The following ZMYM4 variants were observed in gnomAD, a reference collection of about 807,000 sequenced individuals.
ZMYM4 encodes zinc finger MYM-type protein 4.
A neutral mutation model predicts 183.2 loss-of-function variants in ZMYM4; 31 were observed. The observed-to-expected ratio is 0.17, with a 90% confidence interval of 0.13 to 0.23. The LOEUF is 0.23. Among genes scored for constraint, ZMYM4 ranks in the 10% least tolerant of loss-of-function variants. The pLI, the probability that ZMYM4 is intolerant of heterozygous loss-of-function variation, is 1.00. For missense variants in ZMYM4, 1,273 were observed against 1,840.3 expected, an observed-to-expected ratio of 0.69 and a Z score of 5.64; for synonymous variants, 592 against 631.2, an observed-to-expected ratio of 0.94 and a Z score of 0.93.
Position 35,389,187 on chromosome 1 carries a change from AG to A in ZMYM4, c.2436+106del. ...ACAATTTAATTATTTAAAACTTTTA[AG>A]TATTAAATGTTTTATGCCTTCTAGC... On this transcript the variant is annotated intron_variant, in intron 14 of 29. Transcript: ENST00000314607. The surrounding 1 kb of genome is among the most constrained non-coding windows in gnomAD (Gnocchi z 4.0). 2.5e-6 allele frequency: 3 copies of A among 1,196,952 alleles called. No individual in the cohort carries two copies. Among genetic ancestry groups the A allele is most frequent in the Non-Finnish European group, 3.4e-6 (3 of 873,268 alleles). 74.1% of individuals were successfully genotyped at this position (1,196,952 alleles called of 1,614,324 possible).
chr1:35,397,515 G>A lies in ZMYM4; in HGVS notation c.3169G>A (p.Asp1057Asn). 6.2e-7 allele frequency: 1 copy of A among 1,612,908 alleles called. No individual in the cohort carries two copies. Among genetic ancestry groups the A allele is most frequent in the South Asian group, 1.1e-5 (1 of 90,856 alleles). The change falls in exon 20 of 30, where the codon GAT becomes AAT. Residue 1057 changes from aspartate (D) to asparagine (N), a missense_variant. By Grantham distance (23) the Asp-to-Asn change is conservative. Coordinates refer to ENST00000314607, the MANE Select transcript of ZMYM4 (RefSeq NM_005095.3). ...TGAGATGGCAGAAATGATTGCAGAA[G>A]ATGAAGAGAAGAAGACTCTATCTCA... ...LLEMAEMIAE[D>N]EEKKTLSQGE...
At chr1:35,407,122 T>C (rs967482353) in intron 25 of ZMYM4, among the ~76,000 whole-genome samples, 2 of 152,110 alleles carry the variant, frequency 1.3e-5, no homozygotes, top group African/African-American at 4.8e-5. Context: ...TGTATTCAAA[T>C]AAATATCAGC....
intron 1 of ZMYM4, among the ~76,000 whole-genome samples, chr1:35,283,026 T>G (rs1390801788): frequency 9.6e-6 from 1 of 103,640 alleles, no homozygotes; most frequent in African/African-American, 3.8e-5. Context: ...TGAGACAGAG[T>G]GTTACTCTGT....
At chr1:35,352,762 T>A (rs141988672) in intron 2 of ZMYM4, among the ~76,000 whole-genome samples, 1 of 152,350 alleles carries the variant, frequency 6.6e-6, no homozygotes, top group East Asian at 1.9e-4. Context: ...TGTCTTTTTC[T>A]GACTCCTTCA....
chr1:35,393,448 G>A (rs1644746393), intron 17 of ZMYM4, 147 bp from the exon 18 acceptor site: 1 of 655,162 alleles, frequency 1.5e-6, no homozygotes, highest in Non-Finnish European at 2.4e-6. Flanking sequence ...TAGGAGTATT[G>A]TATTTCTTAT....
chr1:35,291,821 A>G (rs1400220813), intron 1 of ZMYM4, among the ~76,000 whole-genome samples: 2 of 151,896 alleles, frequency 1.3e-5, no homozygotes, highest in Non-Finnish European at 1.5e-5. Context: ...TATTTTTAGT[A>G]GATACAGGGT....
chr1:35,415,114 T>C (rs1640061613), intron 27 of ZMYM4, among the ~76,000 whole-genome samples: 1 of 152,202 alleles, frequency 6.6e-6, no homozygotes, highest in African/African-American at 2.4e-5. Flanking sequence ...TGCCTGTTTA[T>C]GTGTTCTCTA....
intron 15 of ZMYM4, 31 bp downstream of exon 15, chr1:35,390,129 C>G: frequency 6.2e-7 from 1 of 1,601,678 alleles, no homozygotes; most frequent in Non-Finnish European, 8.5e-7. Context: ...TGAATGGAGT[C>G]TTTGGTCAAT....
chr1:35,293,061 C>T (rs919447995), intron 1 of ZMYM4, among the ~76,000 whole-genome samples: 21 of 150,108 alleles, frequency 1.4e-4, no homozygotes, highest in South Asian at 4.2e-4. Context: ...AGTATGGTGG[C>T]ATGATCATGA....
intron 1 of ZMYM4, chr1:35,309,058 G>A: frequency 3.0e-6 from 3 of 985,310 alleles, no homozygotes; most frequent in Non-Finnish European, 1.2e-6. Context: ...AGAAATGGTG[G>A]GTGGGTTTGA....
chr1:35,376,791 G>A (rs371745067), intron 7 of ZMYM4, among the ~76,000 whole-genome samples: 39 of 152,224 alleles, frequency 2.6e-4, no homozygotes, highest in African/African-American at 9.1e-4. Flanking sequence ...CTCCCAAAGT[G>A]CTGGGATTAC....
In ZMYM4 at chr1:35,359,398, C is replaced by T; in HGVS notation, c.559C>T (p.His187Tyr). 6.3e-7 allele frequency: 1 copy of T among 1,580,818 alleles called. No individual in the cohort carries two copies. Among genetic ancestry groups the T allele is most frequent in the Non-Finnish European group, 8.5e-7 (1 of 1,170,882 alleles). Residue 187 changes from histidine (H) to tyrosine (Y), a missense_variant, in exon 3 of 30, where the codon CAT (histidine) becomes TAT (tyrosine). This residue lies in a region of ZMYM4 where 384 missense variants were observed against 465.6 expected (regional missense o/e 0.82). Coordinates refer to ENST00000314607, the MANE Select transcript of ZMYM4 (RefSeq NM_005095.3). ...ACGTGAAAAACGGTTGGATAAACCC[C>T]ATAAAGATTTGGATTCAAGGTTGAA... ...YEREKRLDKPHKDLDSRLKSS... is the reference protein window; with the variant it reads ...YEREKRLDKPYKDLDSRLKSS...
chr1:35,362,787 CAACCTCCCAGGCTCAAGTG>C (rs1363389302), intron 5 of ZMYM4, among the ~76,000 whole-genome samples: 1 of 152,090 alleles, frequency 6.6e-6, no homozygotes, highest in Non-Finnish European at 1.5e-5. Context: ...ACTGCAGCCT[CAACCTCCCAGGCTCAAGTG>C]AACCTCCCAG....
chr1:35,319,006 G>C (rs1222945327), intron 1 of ZMYM4, among the ~76,000 whole-genome samples: 1 of 151,944 alleles, frequency 6.6e-6, no homozygotes, highest in African/African-American at 2.4e-5. Context: ...CCTGCCTCGT[G>C]AGTAGCTGGG....
intron 2 of ZMYM4, among the ~76,000 whole-genome samples, chr1:35,342,757 A>G (rs369734893): frequency 7.9e-5 from 12 of 151,686 alleles, no homozygotes; most frequent in East Asian, 7.8e-4. Flanking sequence ...TGCAACCTCA[A>G]TTTTCTGGGC....
At chr1:35,398,333 G>A (rs1235594762) in intron 20 of ZMYM4, 80 bp from the exon 21 acceptor site, 15 of 1,188,050 alleles carry the variant, frequency 1.3e-5, no homozygotes, top group South Asian at 2.8e-5. Flanking sequence ...TATGATTGAT[G>A]TATATAGTGC....
rs142873161 is a variant in ZMYM4, at chr1:35,318,486, C to T, written c.40-6874C>T. On this transcript the variant is annotated intron_variant, in intron 1 of 29. Transcript: ENST00000314607. ...TTTGTTTTTTAATTTGAGGCGAAGTCTCGCTCTGTCACCCAGGCTGGAGTA... is the reference window on the plus strand; with the variant it reads ...TTTGTTTTTTAATTTGAGGCGAAGTTTCGCTCTGTCACCCAGGCTGGAGTA... 2.3e-3 allele frequency among the ~76,000 whole-genome samples: 357 copies of T among 152,236 alleles called. 1 individual carries two copies. The highest frequency in any genetic ancestry group is 8.3e-3 in the African/African-American group (343 of 41,528).
At chr1:35,274,737 T>C (rs745555299) in intron 1 of ZMYM4, among the ~76,000 whole-genome samples, 3 of 151,818 alleles carry the variant, frequency 2.0e-5, no homozygotes, top group African/African-American at 4.9e-5. Flanking sequence ...TGATAATACT[T>C]GGTATTATAA....
intron 7 of ZMYM4, among the ~76,000 whole-genome samples, chr1:35,371,299 G>C (rs1205235338): frequency 6.6e-6 from 1 of 151,918 alleles, no homozygotes; most frequent in African/African-American, 2.4e-5. Flanking sequence ...CTATGTTTTA[G>C]TAGAGACGGG....
Sources: gnomAD v4.1 joint callset for allele counts (sites outside exome capture counted in the v4.1 genomes callset) on GRCh38, gnomAD v4.1.1 for gene constraint, gnomAD v4.1.1 regional missense constraint, Gnocchi (gnomAD v3.1) non-coding constraint, MANE v1.5 for transcripts, NCBI Gene and HGNC (gene_info 2026-07-23, HGNC 2026-07-21) for gene names.